The following ANLN variants were observed in gnomAD, a reference collection of about 807,000 sequenced individuals.
ANLN encodes the protein anillin.
In ANLN, 59 loss-of-function variants were observed where a neutral mutation model predicts 135.1. That is an observed-to-expected ratio of 0.44 (90% CI 0.35 to 0.54). The LOEUF (loss-of-function observed/expected upper bound fraction) is 0.54, where lower values mean the gene tolerates loss of function less well. Among genes scored for constraint, ANLN ranks in the 20% least tolerant of loss-of-function variants. The probability of loss-of-function intolerance (pLI) is 0.00; values close to 1 mark genes in which losing one functional copy is unlikely to be tolerated. For synonymous variants in ANLN, 406 were observed against 456.4 expected, an observed-to-expected ratio of 0.89 and a Z score of 1.41; for missense variants, 1,182 against 1,340.0, an observed-to-expected ratio of 0.88 and a Z score of 1.84.
intron 22 of ANLN, among the ~76,000 whole-genome samples, chr7:36,447,245 A>G (rs1381991188): frequency 2.0e-5 from 3 of 152,042 alleles, no homozygotes; most frequent in Non-Finnish European, 2.9e-5. Flanking sequence ...GATCTTGACA[A>G]CCTCAGCATA....
At chr7:36,405,808 T>G (rs1373223965) in intron 3 of ANLN, among the ~76,000 whole-genome samples, 1 of 152,210 alleles carries the variant, frequency 6.6e-6, no homozygotes, top group Non-Finnish European at 1.5e-5. Flanking sequence ...AATCAAACAT[T>G]CTGTTGTACA....
intron 2 of ANLN, among the ~76,000 whole-genome samples, chr7:36,398,761 C>T (rs751030312): frequency 3.3e-5 from 5 of 151,212 alleles, no homozygotes; most frequent in Non-Finnish European, 5.9e-5. Context: ...TTATCCCTCG[C>T]CCCCCTTCCG....
At chr7:36,418,320 C>T (rs1787731464) in intron 9 of ANLN, among the ~76,000 whole-genome samples, 1 of 152,114 alleles carries the variant, frequency 6.6e-6, no homozygotes, top group Non-Finnish European at 1.5e-5. Context: ...GTCTTAAGAA[C>T]CACAATGAGA....
At chr7:36,395,783 A>G (rs1786668600) in intron 1 of ANLN, among the ~76,000 whole-genome samples, 1 of 151,938 alleles carries the variant, frequency 6.6e-6, no homozygotes, top group African/African-American at 2.4e-5. Context: ...CCTTATTCAT[A>G]TGTTTGGTAG....
At chr7:36,414,305 T>C (rs1787551468) in intron 7 of ANLN, among the ~76,000 whole-genome samples, 1 of 152,282 alleles carries the variant, frequency 6.6e-6, no homozygotes, top group South Asian at 2.1e-4. Flanking sequence ...TTTGTATGTG[T>C]TTTGTCCTTT....
rs948277614 is a variant in ANLN, at chr7:36,420,417, G to C, written c.2015+103G>C. The C allele has an allele frequency of 2.8e-6, 4 of 1,440,644 alleles. No homozygotes were observed. The African/African-American group carries it at 4.3e-5, about 15-fold the overall frequency. 89.2% of individuals were successfully genotyped at this position (1,440,644 alleles called of 1,614,324 possible). Reference sequence around the variant, plus strand: ...TTATAATGTTATTAATAACTCATCTGTATAAAAGTTTGGAATAACTTTTGT... The same window carrying C: ...TTATAATGTTATTAATAACTCATCTCTATAAAAGTTTGGAATAACTTTTGT... On this transcript the variant is annotated intron_variant, in intron 11 of 23. Coordinates refer to ENST00000265748, the MANE Select transcript of ANLN (RefSeq NM_018685.5).
At chr7:36,424,036 G>T in intron 15 of ANLN, 93 bp downstream of exon 15, 1 of 1,297,226 alleles carries the variant, frequency 7.7e-7, no homozygotes. Context: ...TATAATCTTT[G>T]AAACGCCTTA....
chr7:36,390,559 A>G (rs1206665747), intron 1 of ANLN: 1 of 156,282 alleles, frequency 6.4e-6, no homozygotes, highest in Non-Finnish European at 1.4e-5. Context: ...AAACCACTGC[A>G]TTCGTTCATA....
At chr7:36,447,498 C>T (rs1789058148) in intron 22 of ANLN, among the ~76,000 whole-genome samples, 1 of 148,694 alleles carries the variant, frequency 6.7e-6, no homozygotes. Context: ...GATCTCGGCT[C>T]ACTGCAAGCA....
chr7:36,417,149 C>G lies in ANLN; in HGVS notation c.1592C>G (p.Ser531Cys). The G allele has an allele frequency of 6.2e-7, 1 of 1,608,584 alleles. No individual in the cohort carries two copies. Among genetic ancestry groups the G allele is most frequent in the Non-Finnish European group, 8.5e-7 (1 of 1,177,946 alleles). The change falls in exon 9 of 24, where the codon TCC becomes TGC. Residue 531 changes from serine to cysteine, a missense_variant. Physicochemically the swap from Ser to Cys is moderately radical, Grantham distance 112. This residue lies in a region of ANLN where 1,022 missense variants were observed against 1,134.0 expected (regional missense o/e 0.90). Coordinates refer to ENST00000265748, the MANE Select transcript of ANLN (RefSeq NM_018685.5). Reference sequence around the variant, plus strand: ...ACATTGTTTTTAGAAGAGGACAAATCCTTAAAAGTAACATCAGACCCAAAG... The same window carrying G: ...ACATTGTTTTTAGAAGAGGACAAATGCTTAAAAGTAACATCAGACCCAAAG... Reference protein sequence around the residue: ...KITLFLEEDKSLKVTSDPKVE... With the variant: ...KITLFLEEDKCLKVTSDPKVE...
chr7:36,421,975 GACT>G lies in ANLN; in HGVS notation c.2283_2285del (p.Arg761_Leu762delinsSer). ...TCCCTAGAAGAAGCTGAAGCAGAAA[GACT>G]TCTTCTAATTGCAAGTAAGTGTGAT... On this transcript the variant is annotated inframe_deletion, in exon 13 of 24. Transcript: ENST00000265748. 6.2e-7 allele frequency: 1 copy of G among 1,613,122 alleles called. No homozygotes were observed. Among genetic ancestry groups the G allele is most frequent in the Non-Finnish European group, 8.5e-7 (1 of 1,179,610 alleles).
At chr7:36,405,432 G>T (rs1271872433) in intron 3 of ANLN, among the ~76,000 whole-genome samples, 3 of 152,180 alleles carry the variant, frequency 2.0e-5, no homozygotes, top group African/African-American at 7.2e-5. Flanking sequence ...TTTTGGAGGG[G>T]CAGAATTGAA....
At chr7:36,424,621 T>G (rs1173123000) in intron 16 of ANLN, 28 bp downstream of exon 16, 1 of 1,598,626 alleles carries the variant, frequency 6.3e-7, no homozygotes, top group Admixed American at 1.7e-5. Flanking sequence ...TCTAAAATAA[T>G]GAAGAGTATA....
chr7:36,397,876 A>T (rs1033309730), intron 2 of ANLN, among the ~76,000 whole-genome samples: 2 of 152,214 alleles, frequency 1.3e-5, no homozygotes, highest in East Asian at 3.9e-4. Context: ...GCACCACTGC[A>T]TTCCATCCTG....
intron 20 of ANLN, among the ~76,000 whole-genome samples, chr7:36,427,518 A>T (rs943937784): frequency 4.6e-5 from 7 of 151,894 alleles, no homozygotes. Context: ...CGCCTGGCTA[A>T]TTTTTACTAT....
intron 7 of ANLN, 121 bp from the exon 8 acceptor site, chr7:36,415,637 T>C: frequency 8.9e-7 from 1 of 1,128,132 alleles, no homozygotes; most frequent in Non-Finnish European, 1.2e-6. Flanking sequence ...ACTATCTCTT[T>C]GGTTCTAAGG....
chr7:36,450,524 G>A (rs1253147033), intron 23 of ANLN, among the ~76,000 whole-genome samples: 1 of 152,118 alleles, frequency 6.6e-6, no homozygotes, highest in Non-Finnish European at 1.5e-5. Context: ...AGTTTCTAAT[G>A]TGAAAATATT....
intron 5 of ANLN, among the ~76,000 whole-genome samples, chr7:36,409,941 G>C (rs1470728744): frequency 6.6e-6 from 1 of 152,130 alleles, no homozygotes. Context: ...CAGAGTACTA[G>C]GGTTACAGGT....
intron 3 of ANLN, among the ~76,000 whole-genome samples, chr7:36,404,905 A>G (rs1409856102): frequency 6.6e-6 from 1 of 152,210 alleles, no homozygotes; most frequent in Non-Finnish European, 1.5e-5. Flanking sequence ...AACGGTGTGC[A>G]GTTTAAAACC....
Sources: gnomAD v4.1 joint callset for allele counts (sites outside exome capture counted in the v4.1 genomes callset) on GRCh38, gnomAD v4.1.1 for gene constraint, gnomAD v4.1.1 regional missense constraint, MANE v1.5 for transcripts, NCBI Gene and HGNC (gene_info 2026-07-23, HGNC 2026-07-21) for gene names.